KRR1: variants seen among roughly 807,000 people sequenced by gnomAD.
KRR1 encodes the protein KRR1 small subunit processome component homolog.
A neutral mutation model predicts 50.0 loss-of-function variants in KRR1; 23 were observed. The ratio of observed to expected loss-of-function variants is 0.46; its 90% CI spans 0.33 to 0.65. The LOEUF (loss-of-function observed/expected upper bound fraction) is 0.65. Among genes scored for constraint, KRR1 ranks in the 30% least tolerant of loss-of-function variants. KRR1 has a pLI of 0.02. For missense variants in KRR1, 419 were observed against 442.4 expected (o/e 0.95, Z 0.47); for synonymous variants, 133 against 146.3 (o/e 0.91, Z 0.66).
At chr12:75,505,816 C>T (rs1457124495) in intron 5 of KRR1, among the ~76,000 whole-genome samples, 1 of 152,064 alleles carries the variant, frequency 6.6e-6, no homozygotes, top group Non-Finnish European at 1.5e-5. Flanking sequence ...CAGATTTCCT[C>T]ACCACATGTA....
At position 75,493,570 on chromosome 12, in the gene KRR1, A is replaced by G. The variant is rs12827668; in HGVS notation, c.*6239T>C. 35,828 of 152,084 alleles carry G rather than the reference A, an allele frequency of 0.24. 4,474 individuals carry two copies. The highest frequency in any genetic ancestry group is 0.32 in the South Asian group (1,550 of 4,816). 9.4% of individuals were successfully genotyped at this position (152,084 alleles called of 1,614,324 possible). Reference sequence around the variant, plus strand: ...AAGAGGAAATAACTTTGACCACAAGATAGTCAAGATAGTACCAGTGTGCTT... The same window carrying G: ...AAGAGGAAATAACTTTGACCACAAGGTAGTCAAGATAGTACCAGTGTGCTT... On this transcript the variant is annotated 3_prime_UTR_variant, in exon 10 of 10. Coordinates refer to ENST00000229214, the MANE Select transcript of KRR1 (RefSeq NM_007043.7).
chr12:75,509,759 ATTT>A (rs141358671), intron 1 of KRR1, among the ~76,000 whole-genome samples: 38 of 140,216 alleles, frequency 2.7e-4, no homozygotes, highest in African/African-American at 7.7e-4. Context: ...TGTCCGGCTA[ATTT>A]TTTTTTTTTT....
chr12:75,508,184 A>G, intron 2 of KRR1, 90 bp downstream of exon 2: 2 of 760,500 alleles, frequency 2.6e-6, no homozygotes, highest in Non-Finnish European at 3.7e-6. Context: ...GCACCATTAA[A>G]AAAAAAAAAA....
rs375763606 is a variant in KRR1 at position 75,504,089 on chromosome 12, C to A, written c.661-15G>T. On this transcript the variant is annotated splice_polypyrimidine_tract_variant and intron_variant, in intron 6 of 9. Coordinates refer to ENST00000229214, the MANE Select transcript of KRR1 (RefSeq NM_007043.7). Reference sequence around the variant, plus strand: ...ATCATTAAGCTCTTTAGTCATGCAACAAAGTAAAAATTTTTACTTTCCAAA... The same window carrying A: ...ATCATTAAGCTCTTTAGTCATGCAAAAAAGTAAAAATTTTTACTTTCCAAA... 58 of 1,570,760 alleles carry A rather than the reference C, an allele frequency of 3.7e-5. No individual in the cohort carries two copies. In the African/African-American group the frequency reaches 6.6e-4, roughly 18 times the overall value.
In KRR1 at chr12:75,491,568, C is replaced by CCATTTTGTTTTAAGTA. The variant is rs2046324123; in HGVS notation, c.*8240_*8241insTACTTAAAACAAAATG. The CCATTTTGTTTTAAGTA allele has an allele frequency of 6.6e-6, 1 of 152,078 alleles. No homozygotes were observed. The highest frequency in any genetic ancestry group is 2.1e-4 in the South Asian group (1 of 4,824). The allele number at this position is 152,078 out of a possible 1,614,324, so 9.4% of individuals were successfully genotyped here. Reference sequence around the variant, plus strand: ...CCATTTTTGTTTTAAGTACATATTGCCAAATTACATTCCACCATTATATCA... The same window carrying CCATTTTGTTTTAAGTA: ...CCATTTTTGTTTTAAGTACATATTGCCATTTTGTTTTAAGTACAAATTACATTCCACCATTATATCA... On this transcript the variant is annotated 3_prime_UTR_variant, in exon 10 of 10. Transcript: ENST00000229214.
chr12:75,509,950 A>AT (rs1156700320), intron 1 of KRR1, among the ~76,000 whole-genome samples: 2 of 151,754 alleles, frequency 1.3e-5, no homozygotes, highest in Non-Finnish European at 2.9e-5. Flanking sequence ...GCTATGGATA[A>AT]TTTTTTTTAA....
chr12:75,500,615 A>T (rs1443810589), intron 9 of KRR1: 1 of 151,950 alleles, frequency 6.6e-6, no homozygotes, highest in African/African-American at 2.4e-5. Context: ...ATAATTTGAG[A>T]GTGTGTGGAA....
Position 75,498,633 on chromosome 12 carries a change from T to C in KRR1, c.*1176A>G. ...AATTATAAGACTTAGCTTTTTAAAA[T>C]AAAACTCTCAACTGTGTCTACCCTT... On this transcript the variant is annotated 3_prime_UTR_variant, in exon 10 of 10. Transcript: ENST00000229214. 2 of 1,352,860 alleles carry C rather than the reference T, an allele frequency of 1.5e-6. No homozygotes were observed. The highest frequency in any genetic ancestry group is 1.1e-6 in the Non-Finnish European group (1 of 946,612). The allele number at this position is 1,352,860 out of a possible 1,614,324, so 83.8% of individuals were successfully genotyped here.
In KRR1 at chr12:75,506,864, G is replaced by A; in HGVS notation, c.311C>T (p.Thr104Ile). Reference sequence around the variant, plus strand: ...GATATATGGATCAAAAGTCTTCTTTGTAGTACAAACAGTCATGCTGCCTTC... The same window carrying A: ...GATATATGGATCAAAAGTCTTCTTTATAGTACAAACAGTCATGCTGCCTTC... Reference protein sequence around the residue: ...LIEGSMTVCTTKKTFDPYIII... With the variant: ...LIEGSMTVCTIKKTFDPYIII... The change falls in exon 3 of 10, where the codon ACA becomes ATA. Residue 104 changes from threonine (T) to isoleucine (I), a missense_variant. By Grantham distance (89) the Thr-to-Ile change is moderately conservative (BLOSUM62 -1). Transcript: ENST00000229214. 1 of 1,613,160 alleles carries A rather than the reference G, an allele frequency of 6.2e-7. No homozygotes were observed. Among genetic ancestry groups the A allele is most frequent in the Non-Finnish European group, 8.5e-7 (1 of 1,179,444 alleles).
Position 75,501,794 on chromosome 12 carries a change from C to A in KRR1, c.932G>T (p.Ser311Ile), listed in dbSNP as rs781256310. The change falls in exon 9 of 10, where the codon AGT becomes ATT. Residue 311 changes from serine (S) to isoleucine (I), a missense_variant. Transcript: ENST00000229214. ...AIKAKQAEAI[S>I]KRQEERNKAF... is the part of the protein sequence containing the mutation. ...TTTGTTTCTTTCCTCTTGTCTCTTA[C>A]TGATGGCTTCTGCTTGTTTAGCCTA... 3 of 1,609,734 alleles carry A rather than the reference C, an allele frequency of 1.9e-6. No homozygotes were observed. In the East Asian group the frequency reaches 6.7e-5, roughly 36 times the overall value.
chr12:75,508,204 C>T, intron 2 of KRR1, 70 bp downstream of exon 2: 17 of 1,046,722 alleles, frequency 1.6e-5, no homozygotes, highest in Non-Finnish European at 2.3e-5. Context: ...AAAGCATTAG[C>T]ATACATACAT....
chr12:75,508,100 T>C lies in KRR1; in HGVS notation c.258+174A>G, dbSNP rs1392673569. Among the ~76,000 whole-genome samples, 8 of 148,796 alleles carry C rather than the reference T, an allele frequency of 5.4e-5. No individual in the cohort carries two copies. In the East Asian group the frequency reaches 9.9e-4, roughly 18 times the overall value. On this transcript the variant is annotated intron_variant, in intron 2 of 9. Coordinates refer to ENST00000229214, the MANE Select transcript of KRR1 (RefSeq NM_007043.7). ...TTATTACTCATAAAATTAAAACAAATGAACATTAGGTAAGAAGAAAACTTA... is the reference window on the plus strand; with the variant it reads ...TTATTACTCATAAAATTAAAACAAACGAACATTAGGTAAGAAGAAAACTTA...
At chr12:75,500,015 T>C (rs1002833820) in intron 9 of KRR1, 64 bp from the exon 10 acceptor site, 17 of 1,294,466 alleles carry the variant, frequency 1.3e-5, no homozygotes, top group Non-Finnish European at 1.7e-5. Flanking sequence ...ACAAAGAATA[T>C]ATGTTTAACA....
intron 9 of KRR1, 188 bp from the exon 10 acceptor site, chr12:75,500,139 C>A: frequency 2.3e-6 from 1 of 431,728 alleles, no homozygotes; most frequent in Non-Finnish European, 4.0e-6. Flanking sequence ...GAAATTTCTT[C>A]AGATTAAGAT....
At position 75,493,227 on chromosome 12, in the gene KRR1, TG is replaced by T. The variant is rs938879948; in HGVS notation, c.*6581del. 8.5e-5 allele frequency: 13 copies of T among 152,230 alleles called. No individual in the cohort carries two copies. The highest frequency in any genetic ancestry group is 3.1e-4 in the African/African-American group (13 of 41,466). The allele number at this position is 152,230 out of a possible 1,614,324, so 9.4% of individuals were successfully genotyped here. On this transcript the variant is annotated 3_prime_UTR_variant, in exon 10 of 10. Coordinates refer to ENST00000229214, the MANE Select transcript of KRR1 (RefSeq NM_007043.7). ...CTTTAAATTTGGACATCAGTCTGGA[TG>T]GAAAATGGATTAGAGGAGCATAAAA...
chr12:75,495,755 G>A lies in KRR1; in HGVS notation c.*4054C>T, dbSNP rs547112128. ...CAATGAAACCATGTTTTATCTTAAC[G>A]GCTATCTTCAAGGAAACTGGCATCA... On this transcript the variant is annotated 3_prime_UTR_variant, in exon 10 of 10. Transcript: ENST00000229214. 6.8e-6 allele frequency: 5 copies of A among 736,472 alleles called. No homozygotes were observed. Among genetic ancestry groups the A allele is most frequent in the Middle Eastern group, 2.5e-4 (1 of 4,036 alleles). The allele number at this position is 736,472 out of a possible 1,614,324, so 45.6% of individuals were successfully genotyped here. A position where few individuals can be genotyped will look rare whatever the true frequency, so the allele number is the denominator to read the frequency against.
In KRR1 at chr12:75,511,565, T is replaced by C; in HGVS notation, c.33A>G (p.Lys11=). ...TACGAAATTCACTTTTTCCAGCGCCTTTTTCTGGCCGCTCCAGCGAGGGAG... is the reference window on the plus strand; with the variant it reads ...TACGAAATTCACTTTTTCCAGCGCCCTTTTCTGGCCGCTCCAGCGAGGGAG... MASPSLERPE[K]GAGKSEFRNQ... The change falls in exon 1 of 10, where the codon AAA becomes AAG. Residue 11 remains lysine (K), a synonymous_variant. Transcript: ENST00000229214. 2.5e-6 allele frequency: 4 copies of C among 1,613,804 alleles called. No homozygotes were observed. The highest frequency in any genetic ancestry group is 3.4e-6 in the Non-Finnish European group (4 of 1,179,722).
intron 9 of KRR1, 79 bp from the exon 10 acceptor site, chr12:75,500,030 A>G: frequency 1.7e-6 from 2 of 1,155,608 alleles, no homozygotes; most frequent in Non-Finnish European, 2.4e-6. Flanking sequence ...TTAACAAAGA[A>G]TATATGTTTA....
At chr12:75,502,998 A>AGAT (rs1330083087) in intron 7 of KRR1, 1 of 151,976 alleles carries the variant, frequency 6.6e-6, no homozygotes, top group African/African-American at 2.4e-5. Context: ...TGGAAAAAAG[A>AGAT]GATGTAGAAA....
Sources: allele counts gnomAD v4.1 joint callset (sites outside exome capture counted in the v4.1 genomes callset), GRCh38; gene constraint gnomAD v4.1.1; transcripts MANE v1.5; gene names NCBI Gene and HGNC (gene_info 2026-07-23, HGNC 2026-07-21).